The following CYLC2 variants were observed in gnomAD, a reference collection of about 807,000 sequenced individuals.
The protein encoded by CYLC2 is cylicin 2.
In CYLC2, 30 loss-of-function variants were observed where a neutral mutation model predicts 26.1. That is an observed-to-expected ratio of 1.15 (90% confidence interval 0.86 to 1.56). CYLC2 has a LOEUF of 1.56. Ranked by LOEUF, CYLC2 falls within the 40% of genes most tolerant of loss-of-function variation. The probability of loss-of-function intolerance (pLI) is 0.00; values close to 1 mark genes in which losing one functional copy is unlikely to be tolerated. For synonymous variants in CYLC2, 158 were observed against 132.8 expected, an observed-to-expected ratio of 1.19 and a Z score of -1.31; for missense variants, 498 against 394.4, an observed-to-expected ratio of 1.26 and a Z score of -2.23.
chr9:103,000,092 G>T (rs572506048), intron 1 of CYLC2, among the ~76,000 whole-genome samples: 317 of 151,766 alleles, frequency 2.1e-3, no homozygotes, highest in African/African-American at 7.2e-3. Context: ...TATTAAAACT[G>T]TAAGTTATTC....
chr9:103,013,256 AATGTGTTATAT>A (rs1272471917), intron 6 of CYLC2, among the ~76,000 whole-genome samples: 2 of 111,268 alleles, frequency 1.8e-5, no homozygotes, highest in Non-Finnish European at 3.4e-5. Context: ...ATATATATTT[AATGTGTTATAT>A]ATATTATATA....
intron 6 of CYLC2, among the ~76,000 whole-genome samples, chr9:103,012,408 C>T (rs553313081): frequency 6.6e-6 from 1 of 151,922 alleles, no homozygotes; most frequent in African/African-American, 2.4e-5. Context: ...AAAATAATTC[C>T]GGTGTTTTGA....
chr9:103,008,213 G>T (rs1829371763), intron 5 of CYLC2, among the ~76,000 whole-genome samples: 1 of 152,002 alleles, frequency 6.6e-6, no homozygotes, highest in Non-Finnish European at 1.5e-5. Flanking sequence ...GTTTTAGATT[G>T]AAATGTAATG....
intron 6 of CYLC2, among the ~76,000 whole-genome samples, 152 bp downstream of exon 6, chr9:103,012,249 C>T (rs868438588): frequency 3.7e-4 from 56 of 152,028 alleles, no homozygotes; most frequent in Non-Finnish European, 2.8e-4. Flanking sequence ...GCGTGAGCCA[C>T]TGTGCCCTGC....
At chr9:103,014,441 ATAATATACATAATGTATATTACG>A (rs1564101133) in intron 6 of CYLC2, among the ~76,000 whole-genome samples, 1 of 112,812 alleles carries the variant, frequency 8.9e-6, no homozygotes, top group African/African-American at 3.1e-5. Context: ...TGTATATTAC[ATAATATACATAATGTATATTACG>A]TAATATACAT....
chr9:103,014,390 A>G (rs187002399), intron 6 of CYLC2, among the ~76,000 whole-genome samples: 1 of 127,154 alleles, frequency 7.9e-6, no homozygotes, highest in African/African-American at 2.9e-5. Context: ...ATTACGTAAT[A>G]TAACATAATG....
chr9:103,003,601 G>A (rs1439899392), intron 3 of CYLC2, among the ~76,000 whole-genome samples: 1 of 152,242 alleles, frequency 6.6e-6, no homozygotes, highest in East Asian at 1.9e-4. Context: ...ATAATTCAAA[G>A]TCTACCACTT....
chr9:103,015,474 A>G (rs1322603283), intron 6 of CYLC2, among the ~76,000 whole-genome samples: 1 of 138,492 alleles, frequency 7.2e-6, no homozygotes, highest in Non-Finnish European at 1.5e-5. Flanking sequence ...ATAATATATA[A>G]TACATTATAT....
chr9:102,997,609 T>G (rs1438627302), intron 1 of CYLC2, among the ~76,000 whole-genome samples: 1 of 151,986 alleles, frequency 6.6e-6, no homozygotes, highest in Non-Finnish European at 1.5e-5. Context: ...CTGCAGCTGA[T>G]GCAGATTCCA....
intron 6 of CYLC2, among the ~76,000 whole-genome samples, chr9:103,015,151 GTGA>G (rs1829484672): frequency 2.2e-4 from 1 of 4,536 alleles, no homozygotes; most frequent in African/African-American, 6.4e-4. Flanking sequence ...TGTATATCAC[GTGA>G]TATACATAAC....
chr9:103,013,933 A>G (rs1390012741), intron 6 of CYLC2, among the ~76,000 whole-genome samples: 1 of 115,318 alleles, frequency 8.7e-6, no homozygotes, highest in Non-Finnish European at 1.6e-5. Context: ...TATCATATCT[A>G]TTATTTAATA....
chr9:103,002,365 T>A (rs1323222507), intron 2 of CYLC2, among the ~76,000 whole-genome samples: 1 of 131,848 alleles, frequency 7.6e-6, no homozygotes, highest in Admixed American at 7.8e-5. Context: ...CCCTTTTTTT[T>A]TTTTTTTTTT....
intron 4 of CYLC2, 55 bp downstream of exon 4, chr9:103,004,906 T>G: frequency 2.5e-6 from 4 of 1,572,372 alleles, no homozygotes; most frequent in Non-Finnish European, 3.4e-6. Context: ...ATTAGATTTC[T>G]ATTAGAATTT....
chr9:103,018,137 A>G (rs1202151230), intron 7 of CYLC2, among the ~76,000 whole-genome samples, 188 bp from the exon 8 acceptor site: 1 of 152,004 alleles, frequency 6.6e-6, no homozygotes, highest in African/African-American at 2.4e-5. Context: ...TAGTATCTTC[A>G]GTTGAGGAAT....
chr9:103,007,044 C>A (rs372303868), intron 5 of CYLC2, among the ~76,000 whole-genome samples: 10 of 152,158 alleles, frequency 6.6e-5, no homozygotes, highest in African/African-American at 2.2e-4. Context: ...TTTTACTGAT[C>A]AAATTAAATA....
At chr9:102,995,760 T>C (rs1178510100) in intron 1 of CYLC2, among the ~76,000 whole-genome samples, 4 of 151,866 alleles carry the variant, frequency 2.6e-5, no homozygotes, top group African/African-American at 9.7e-5. Context: ...TTTTTGTGTA[T>C]GTAATAGTGA....
intron 6 of CYLC2, 88 bp from the exon 7 acceptor site, chr9:103,016,800 T>C (rs899869667): frequency 3.9e-5 from 6 of 151,970 alleles, no homozygotes; most frequent in African/African-American, 1.4e-4. Flanking sequence ...ACATGAAAGA[T>C]GAGGCCCCAG....
At position 103,007,742 on chromosome 9, in the gene CYLC2, T is replaced by C. The variant is rs1367528715; in HGVS notation, c.*700+1364T>C. ...AACTTGCTAAATGATTTTCTCTTTTTATTCTTCCTGACACAAACTTTGGAT... is the reference window on the plus strand; with the variant it reads ...AACTTGCTAAATGATTTTCTCTTTTCATTCTTCCTGACACAAACTTTGGAT... On this transcript the variant is annotated intron_variant, in intron 5 of 7. Transcript: ENST00000374798. Among the ~76,000 whole-genome samples the C allele has an allele frequency of 2.0e-5, 3 of 152,190 alleles. 1 individual carries two copies.
chr9:102,998,867 G>A (rs918897970), intron 1 of CYLC2, among the ~76,000 whole-genome samples: 4 of 151,790 alleles, frequency 2.6e-5, no homozygotes, highest in Non-Finnish European at 5.9e-5. Context: ...TTGTGTATGT[G>A]CTAGTATTTC....
Sources: gnomAD v4.1 joint callset for allele counts (sites outside exome capture counted in the v4.1 genomes callset) on GRCh38, gnomAD v4.1.1 for gene constraint, MANE v1.5 for transcripts, NCBI Gene and HGNC (gene_info 2026-07-23, HGNC 2026-07-21) for gene names.